The following MAML3 variants were observed in gnomAD, a reference collection of about 807,000 sequenced individuals.
MAML3 encodes mastermind like transcriptional coactivator 3.
A neutral mutation model predicts 101.9 loss-of-function variants in MAML3; 27 were observed. The ratio of observed to expected loss-of-function variants is 0.27; its 90% CI spans 0.20 to 0.37. The LOEUF is 0.37. MAML3 is among the 10% of genes least tolerant of loss of function. MAML3 has a pLI of 1.00. For synonymous variants in MAML3, 501 were observed against 555.9 expected, an observed-to-expected ratio of 0.90 and a Z score of 1.39; for missense variants, 1,316 against 1,444.9, an observed-to-expected ratio of 0.91 and a Z score of 1.45.
At chr4:139,978,930 GAC>G (rs1734396031) in intron 1 of MAML3, among the ~76,000 whole-genome samples, 1 of 30,798 alleles carries the variant, frequency 3.2e-5, no homozygotes, top group Non-Finnish European at 9.7e-5. Flanking sequence ...AGAGCTCTAT[GAC>G]TACTTTCAAA....
At chr4:139,832,094 C>CCTTTTTTTTTTTT (rs1234455929) in intron 2 of MAML3, among the ~76,000 whole-genome samples, 7 of 64,702 alleles carry the variant, frequency 1.1e-4, no homozygotes, top group Non-Finnish European at 1.3e-4. Flanking sequence ...TGCCCAGCCC[C>CCTTTTTTTTTTTT]TTTTTTTTTT....
chr4:140,071,272 A>G (rs1727647557), intron 1 of MAML3, among the ~76,000 whole-genome samples: 1 of 152,126 alleles, frequency 6.6e-6, no homozygotes, highest in Non-Finnish European at 1.5e-5. Flanking sequence ...CATCTGAGAG[A>G]GCTGCATGGC....
intron 1 of MAML3, among the ~76,000 whole-genome samples, chr4:139,946,540 A>C (rs1395254575): frequency 6.6e-6 from 1 of 152,172 alleles, no homozygotes; most frequent in African/African-American, 2.4e-5. Flanking sequence ...TATAACTGCT[A>C]ATTATGGGAA....
intron 1 of MAML3, among the ~76,000 whole-genome samples, chr4:139,956,009 G>C (rs1021865983): frequency 1.2e-4 from 18 of 152,350 alleles, no homozygotes; most frequent in African/African-American, 3.8e-4. Context: ...GGGAGCTAGA[G>C]GAGGGTAGAT....
At chr4:140,110,625 G>T (rs1343924526) in intron 1 of MAML3, among the ~76,000 whole-genome samples, 1 of 152,174 alleles carries the variant, frequency 6.6e-6, no homozygotes, top group Non-Finnish European at 1.5e-5. Flanking sequence ...TTACAGGAAA[G>T]AGTAATTAAA....
intron 2 of MAML3, among the ~76,000 whole-genome samples, chr4:139,791,749 C>G (rs1730419266): frequency 6.6e-6 from 1 of 152,136 alleles, no homozygotes; most frequent in Non-Finnish European, 1.5e-5. Context: ...ATTCTAAAAC[C>G]AGTATTATTC....
intron 1 of MAML3, among the ~76,000 whole-genome samples, chr4:139,937,256 A>T (rs1042446048): frequency 2.0e-5 from 3 of 152,188 alleles, no homozygotes; most frequent in African/African-American, 7.2e-5. Context: ...CCTATAATGA[A>T]ATCCTTTACT....
chr4:140,067,564 G>A (rs1052737384), intron 1 of MAML3, among the ~76,000 whole-genome samples: 1 of 152,050 alleles, frequency 6.6e-6, no homozygotes, highest in African/African-American at 2.4e-5. Context: ...AGAGTTTTCT[G>A]TATTGTCTCA....
chr4:139,903,474 C>T (rs1454747366), intron 1 of MAML3, among the ~76,000 whole-genome samples: 1 of 152,208 alleles, frequency 6.6e-6, no homozygotes, highest in African/African-American at 2.4e-5. Context: ...TAGCAGTCTA[C>T]GTCCAGTCTA....
intron 1 of MAML3, among the ~76,000 whole-genome samples, chr4:140,102,862 C>G (rs1362033190): frequency 6.6e-6 from 1 of 152,122 alleles, no homozygotes. Context: ...TCATCACCAC[C>G]AAGTGAAGAG....
chr4:140,015,804 T>G (rs1726632591), intron 1 of MAML3, among the ~76,000 whole-genome samples: 1 of 152,076 alleles, frequency 6.6e-6, no homozygotes, highest in African/African-American at 2.4e-5. Flanking sequence ...AATACAAAAA[T>G]TAGCCACATG....
intron 2 of MAML3, among the ~76,000 whole-genome samples, chr4:139,799,358 T>A (rs751361556): frequency 5.3e-5 from 8 of 152,250 alleles, no homozygotes; most frequent in Admixed American, 2.0e-4. Context: ...ATCAACCTAA[T>A]GCTATGAATT....
chr4:140,146,848 A>T (rs1046898415), intron 1 of MAML3, among the ~76,000 whole-genome samples: 2 of 152,126 alleles, frequency 1.3e-5, no homozygotes, highest in Non-Finnish European at 2.9e-5. Context: ...TGATTTTTAA[A>T]AATCTGGCCG....
intron 1 of MAML3, among the ~76,000 whole-genome samples, chr4:139,985,097 A>C (rs1288794646): frequency 6.6e-6 from 1 of 152,238 alleles, no homozygotes; most frequent in Non-Finnish European, 1.5e-5. Context: ...CCTATACACA[A>C]AAGTTAGCTT....
At chr4:139,981,154 G>T (rs995474524) in intron 1 of MAML3, among the ~76,000 whole-genome samples, 4 of 152,214 alleles carry the variant, frequency 2.6e-5, no homozygotes, top group Non-Finnish European at 4.4e-5. Context: ...GCAAGGTTGG[G>T]TTCTTCTGAG....
intron 1 of MAML3, among the ~76,000 whole-genome samples, chr4:139,927,079 T>TC (rs1733279494): frequency 6.7e-6 from 1 of 150,200 alleles, no homozygotes; most frequent in South Asian, 2.1e-4. Context: ...TTTCTTTTTT[T>TC]TTTTTTTGTA....
At chr4:140,065,836 C>T (rs1469074257) in intron 1 of MAML3, among the ~76,000 whole-genome samples, 1 of 152,170 alleles carries the variant, frequency 6.6e-6, no homozygotes, top group Non-Finnish European at 1.5e-5. Flanking sequence ...CCACGATTCC[C>T]AGCACCTCCA....
At chr4:139,919,808 A>G (rs1465223310) in intron 1 of MAML3, among the ~76,000 whole-genome samples, 1 of 152,214 alleles carries the variant, frequency 6.6e-6, no homozygotes, top group Non-Finnish European at 1.5e-5. Context: ...AGTCATGTAA[A>G]CGACAAGAGG....
At chr4:140,096,927 G>T (rs1449433590) in intron 1 of MAML3, among the ~76,000 whole-genome samples, 4 of 151,782 alleles carry the variant, frequency 2.6e-5, no homozygotes, top group African/African-American at 9.7e-5. Context: ...AGCATTTACT[G>T]AAGTAGATTG....
Sources: allele counts gnomAD v4.1 joint callset (sites outside exome capture counted in the v4.1 genomes callset), GRCh38; gene constraint gnomAD v4.1.1; transcripts MANE v1.5; gene names NCBI Gene and HGNC (gene_info 2026-07-23, HGNC 2026-07-21).